PAK3: variants seen among roughly 807,000 people sequenced by gnomAD.
PAK3 encodes serine/threonine-protein kinase PAK 3.
A neutral mutation model predicts 41.0 loss-of-function variants in PAK3; 4 were observed. The ratio of observed to expected loss-of-function variants is 0.10; its 90% CI spans 0.05 to 0.22. The LOEUF is 0.22. Ranked by LOEUF, PAK3 falls within the 10% of genes least tolerant of loss-of-function variation. The pLI, the probability that PAK3 is intolerant of heterozygous loss-of-function variation, is 1.00. For synonymous variants in PAK3, 146 were observed against 139.6 expected (o/e 1.05, Z -0.32); for missense variants, 205 against 409.9 (o/e 0.50, Z 4.32).
chrX:111,193,470 C>T lies in PAK3; in HGVS notation c.993-831C>T, dbSNP rs1382387895. ...GTTCAAGCAATTCTCCTGCCTCAGC[C>T]TCCCAAGGAGCTGGGATTACAGGCG... On this transcript the variant is annotated intron_variant, in intron 13 of 17. Coordinates refer to ENST00000372007, the MANE Select transcript of PAK3 (RefSeq NM_002578.5). Among the ~76,000 whole-genome samples, 4 of 109,068 alleles carry T rather than the reference C, an allele frequency of 3.7e-5. No individual in the cohort carries two copies. The Admixed American group carries it at 3.9e-4, about 11-fold the overall frequency. The allele number at this position is 109,068 out of a possible 115,157, so 94.7% of individuals were successfully genotyped here.
At chrX:111,054,454 C>A (rs1397061529) in intron 1 of PAK3, among the ~76,000 whole-genome samples, 1 of 112,328 alleles carries the variant, frequency 8.9e-6, no homozygotes, top group Non-Finnish European at 1.9e-5. Flanking sequence ...TAAGAAAAAT[C>A]AGAGCTGTGT....
intron 14 of PAK3, among the ~76,000 whole-genome samples, chrX:111,195,487 A>G (rs1316298525): frequency 2.7e-5 from 3 of 112,202 alleles, no homozygotes; most frequent in Non-Finnish European, 5.6e-5. Context: ...AAATCATGCC[A>G]TCTACAATGA....
chrX:111,041,221 C>T (rs778497321), intron 1 of PAK3, among the ~76,000 whole-genome samples: 2 of 112,930 alleles, frequency 1.8e-5, no homozygotes, highest in South Asian at 7.2e-4. Flanking sequence ...TTAGTGTTTG[C>T]GTAGGCACTG....
rs760532225 is a variant in PAK3 at position 111,135,030 on chromosome X, A to G, written c.176-7066A>G. The stretch of plus-strand genomic sequence containing the variant: ...GGGAATATTGAAGCAGGGCAATGAT[A>G]TCAGATTTGTGTTTCAAAATATCAC... On this transcript the variant is annotated intron_variant, in intron 5 of 17. Transcript: ENST00000372007. Among the ~76,000 whole-genome samples the G allele has an allele frequency of 2.7e-5, 3 of 111,358 alleles. No homozygotes were observed. In the East Asian group the frequency reaches 8.5e-4, roughly 32 times the overall value.
chrX:111,001,002 C>A lies in PAK3; in HGVS notation c.-28+56374C>A, dbSNP rs189082291. Among the ~76,000 whole-genome samples, 196 of 111,517 alleles carry A rather than the reference C, an allele frequency of 1.8e-3. 1 individual carries two copies. Among genetic ancestry groups the A allele is most frequent in the African/African-American group, 6.2e-3 (190 of 30,650 alleles). ...AGGCCTCACTGAGATGACATTTGAACAAAGCCTTTAAAGAAGAGGGTGCAA... is the reference window on the plus strand; with the variant it reads ...AGGCCTCACTGAGATGACATTTGAAAAAAGCCTTTAAAGAAGAGGGTGCAA... On this transcript the variant is annotated intron_variant, in intron 1 of 14. Coordinates refer to the PAK3 transcript ENST00000425146.
At chrX:111,136,671 G>T in intron 5 of PAK3, among the ~76,000 whole-genome samples, 1 of 112,078 alleles carries the variant, frequency 8.9e-6, no homozygotes, top group South Asian at 3.7e-4. Flanking sequence ...CAATTAGCAG[G>T]TTAGCCAGAT....
intron 4 of PAK3, among the ~76,000 whole-genome samples, chrX:111,119,106 G>A (rs905094793): frequency 9.0e-6 from 1 of 111,403 alleles, no homozygotes; most frequent in African/African-American, 3.3e-5. Context: ...GACAGGGAAA[G>A]AGAGAGGTAA....
chrX:111,216,098 G>C lies in PAK3; in HGVS notation c.1408-323G>C, dbSNP rs532634187. Among the ~76,000 whole-genome samples the C allele has an allele frequency of 3.0e-4, 34 of 111,882 alleles. No individual in the cohort carries two copies. In the South Asian group the frequency reaches 4.9e-3, roughly 16 times the overall value. ...AGTCTTTAGAGAAACAGATTTACAG[G>C]CAATCCTTTGGTTTAATTTTCTAGA... On this transcript the variant is annotated intron_variant, in intron 16 of 17. Coordinates refer to ENST00000372007, the MANE Select transcript of PAK3 (RefSeq NM_002578.5).
intron 17 of PAK3, chrX:111,217,108 T>C: frequency 1.5e-5 from 9 of 596,620 alleles, no homozygotes; most frequent in Middle Eastern, 1.1e-3. Flanking sequence ...ATACTTACTA[T>C]GTACCAAATT....
chrX:110,992,202 A>C (rs1164359627), intron 1 of PAK3, among the ~76,000 whole-genome samples: 5 of 110,689 alleles, frequency 4.5e-5, no homozygotes, highest in Non-Finnish European at 9.5e-5. Flanking sequence ...GAGCATTGGG[A>C]GCAGAGAGAA....
intron 1 of PAK3, among the ~76,000 whole-genome samples, chrX:110,977,011 G>A (rs1335568485): frequency 9.1e-6 from 1 of 110,315 alleles, no homozygotes; most frequent in Non-Finnish European, 1.9e-5. Context: ...TAATGTAAAT[G>A]ATTAGTTGAT....
intron 1 of PAK3, among the ~76,000 whole-genome samples, chrX:110,959,866 G>A (rs1209790566): frequency 9.0e-6 from 1 of 111,550 alleles, no homozygotes; most frequent in Non-Finnish European, 1.9e-5. Flanking sequence ...AAAATTAAAT[G>A]CAAACTAAAT....
chrX:110,997,110 T>C (rs994027303), intron 1 of PAK3, among the ~76,000 whole-genome samples: 2 of 111,273 alleles, frequency 1.8e-5, no homozygotes, highest in Admixed American at 9.6e-5. Context: ...ATACCTAGTA[T>C]GTTTGAAGAA....
intron 10 of PAK3, among the ~76,000 whole-genome samples, chrX:111,168,653 C>A (rs748679843): frequency 3.3e-4 from 36 of 110,731 alleles, no homozygotes; most frequent in Non-Finnish European, 6.3e-4. Context: ...AGTTTTTTTT[C>A]CCCCTGCATA....
Position 110,980,765 on chromosome X carries a change from C to T in PAK3, c.-28+36137C>T, listed in dbSNP as rs757934480. 7.1e-5 allele frequency among the ~76,000 whole-genome samples: 8 copies of T among 112,039 alleles called. No homozygotes were observed. In the South Asian group the frequency reaches 3.0e-3, roughly 42 times the overall value. On this transcript the variant is annotated intron_variant, in intron 1 of 14. Coordinates refer to the PAK3 transcript ENST00000425146. ...AGAGCATAATCCAATGCAATAGACT[C>T]AGTGGGGAAATACATCAAAGCCTCT...
intron 3 of PAK3, chrX:111,098,638 C>T (rs1441344149): frequency 9.0e-6 from 1 of 110,760 alleles, no homozygotes; most frequent in Non-Finnish European, 1.9e-5. Flanking sequence ...CTCTTTCCTC[C>T]TGGGTAAGGA....
chrX:111,052,085 T>A (rs996082139), intron 1 of PAK3, among the ~76,000 whole-genome samples: 1 of 112,283 alleles, frequency 8.9e-6, no homozygotes, highest in Non-Finnish European at 1.9e-5. Context: ...CTACTATCCA[T>A]CCTTGGCCCT....
At chrX:111,019,690 C>A (rs78289706) in intron 1 of PAK3, among the ~76,000 whole-genome samples, 119 of 53,428 alleles carry the variant, frequency 2.2e-3, no homozygotes, top group Middle Eastern at 0.029. Context: ...ACCCTGCCTC[C>A]AAAAAAAAAA....
chrX:111,058,165 C>T (rs918556390), intron 1 of PAK3, among the ~76,000 whole-genome samples: 7 of 111,590 alleles, frequency 6.3e-5, no homozygotes, highest in African/African-American at 1.6e-4. Flanking sequence ...TTTGTGTGGG[C>T]GTGTGTTTTC....
Sources: gnomAD v4.1 joint callset for allele counts (sites outside exome capture counted in the v4.1 genomes callset) on GRCh38, gnomAD v4.1.1 for gene constraint, MANE v1.5 for transcripts, NCBI Gene and HGNC (gene_info 2026-07-23, HGNC 2026-07-21) for gene names.